The following ZNF316 variants were observed in gnomAD, a reference collection of about 807,000 sequenced individuals.
The protein encoded by ZNF316 is zinc finger protein 316.
A neutral mutation model predicts 75.6 loss-of-function variants in ZNF316; 23 were observed. The observed-to-expected ratio is 0.30, with a 90% CI of 0.22 to 0.43. ZNF316 has a LOEUF of 0.43. ZNF316 is among the 20% of genes least tolerant of loss of function. ZNF316 has a pLI of 1.00. For synonymous variants in ZNF316, 827 were observed against 666.2 expected, an observed-to-expected ratio of 1.24 and a Z score of -3.72; for missense variants, 1,266 against 1,409.4, an observed-to-expected ratio of 0.90 and a Z score of 1.63.
chr7:6,640,933 A>C lies in ZNF316; in HGVS notation c.-166-892A>C, dbSNP rs534618830. Among the ~76,000 whole-genome samples, 1 of 152,298 alleles carries C rather than the reference A, an allele frequency of 6.6e-6. No homozygotes were observed. The highest frequency in any genetic ancestry group is 6.5e-5 in the Admixed American group (1 of 15,288). On this transcript the variant is annotated intron_variant, in intron 3 of 8. Coordinates refer to ENST00000382252, the MANE Select transcript of ZNF316 (RefSeq NM_001278559.2). The surrounding 1 kb of genome is among the most constrained non-coding windows in gnomAD (Gnocchi z 5.1). ...CTCCCCAGAAACAGATGCCGGCGCC[A>C]TGTTGGTGCAGCCTGTTGAACTGTG... is the stretch of plus-strand genomic sequence containing the variant.
chr7:6,645,369 C>T (rs1285941515), intron 8 of ZNF316, among the ~76,000 whole-genome samples: 2 of 152,198 alleles, frequency 1.3e-5, no homozygotes, highest in East Asian at 1.9e-4. Flanking sequence ...AGATTTGGAG[C>T]ACCTCATAGA....
At position 6,642,307 on chromosome 7, in the gene ZNF316, G is replaced by C. The variant is rs541340917; in HGVS notation, c.-28-75G>C. On this transcript the variant is annotated intron_variant, in intron 4 of 8. Coordinates refer to ENST00000382252, the MANE Select transcript of ZNF316 (RefSeq NM_001278559.2). The surrounding 1 kb of genome is among the most constrained non-coding windows in gnomAD (Gnocchi z 8.1). ...ATCCTGCTCCCTGCGCCCCCGCCAG[G>C]CTGCGGGAGACCCTGTGAGGGGACC... 1.4e-6 allele frequency: 1 copy of C among 718,464 alleles called. No individual in the cohort carries two copies. The highest frequency in any genetic ancestry group is 7.5e-5 in the South Asian group (1 of 13,330). 44.5% of individuals were successfully genotyped at this position (718,464 alleles called of 1,614,324 possible).
In ZNF316 at chr7:6,656,240, G is replaced by A. The variant is rs1388165121; in HGVS notation, c.*1629G>A. ...GGTGCTGGGTAATGACCTCGGCCCT[G>A]GGTTTCTCCTCTCCCTGCGGGACAG... is the stretch of plus-strand genomic sequence containing the variant. On this transcript the variant is annotated 3_prime_UTR_variant, in exon 9 of 9. Transcript: ENST00000382252. 4 of 152,276 alleles carry A rather than the reference G, an allele frequency of 2.6e-5. No homozygotes were observed. The highest frequency in any genetic ancestry group is 9.7e-5 in the African/African-American group (4 of 41,404). 9.4% of individuals were successfully genotyped at this position (152,276 alleles called of 1,614,324 possible).
intron 8 of ZNF316, among the ~76,000 whole-genome samples, chr7:6,651,857 G>A (rs1020690149): frequency 6.6e-6 from 1 of 152,230 alleles, no homozygotes; most frequent in Non-Finnish European, 1.5e-5. Context: ...CAGGGAGGCG[G>A]AGTTCTCCAG....
At position 6,654,365 on chromosome 7, in the gene ZNF316, C is replaced by T. The variant is rs1317054647; in HGVS notation, c.2769C>T (p.Arg923=). The T allele has an allele frequency of 2.5e-6, 3 of 1,220,044 alleles. No homozygotes were observed. The highest frequency in any genetic ancestry group is 3.1e-6 in the Non-Finnish European group (3 of 980,360). The allele number at this position is 1,220,044 out of a possible 1,614,324, so 75.6% of individuals were successfully genotyped here. Residue 923 remains arginine (R), a synonymous_variant, in exon 9 of 9, where the codon CGC becomes CGT. Transcript: ENST00000382252. The part of the protein sequence containing the change: ...RPYACANCGR[R]FSQSSHLLTH... ...ACGCCTGCGCCAACTGCGGCCGCCG[C>T]TTCTCGCAGAGCTCGCACTTGCTCA...
In ZNF316 at chr7:6,652,758, T is replaced by C; in HGVS notation, c.1162T>C (p.Leu388=). The C allele has an allele frequency of 7.9e-7, 1 of 1,265,020 alleles. No individual in the cohort carries two copies. The allele number at this position is 1,265,020 out of a possible 1,614,324, so 78.4% of individuals were successfully genotyped here. ...CGKGFVYRSH[L]AIHQRTHTGE... ...CAAGGGCTTCGTGTACCGCTCGCAC[T>C]TGGCCATCCACCAGCGCACGCACAC... The change falls in exon 9 of 9, where the codon TTG becomes CTG. Residue 388 remains leucine, a synonymous_variant. Coordinates refer to ENST00000382252, the MANE Select transcript of ZNF316 (RefSeq NM_001278559.2).
rs1430998550 is a variant in ZNF316 at position 6,642,369 on chromosome 7, A to G, written c.-28-13A>G. The G allele has an allele frequency of 6.7e-5, 80 of 1,202,360 alleles. No homozygotes were observed. Among genetic ancestry groups the G allele is most frequent in the Non-Finnish European group, 7.5e-5 (72 of 960,948 alleles). The allele number at this position is 1,202,360 out of a possible 1,614,324, so 74.5% of individuals were successfully genotyped here. A position where few individuals can be genotyped will look rare whatever the true frequency, so the allele number is the denominator to read the frequency against. ...TGAGAGCAGCCCGTCACTGGCGTCC[A>G]TCTGCATTTCAGGCCACGTGGAGGC... is the stretch of plus-strand genomic sequence containing the variant. On this transcript the variant is annotated splice_polypyrimidine_tract_variant and intron_variant, in intron 4 of 8. Coordinates refer to ENST00000382252, the MANE Select transcript of ZNF316 (RefSeq NM_001278559.2). This position sits in a 1 kb window ranked among gnomAD's most constrained non-coding sequence, Gnocchi z 8.1.
chr7:6,654,308 G>C lies in ZNF316; in HGVS notation c.2712G>C (p.Thr904=). 8.2e-7 allele frequency: 1 copy of C among 1,223,706 alleles called. No individual in the cohort carries two copies. The highest frequency in any genetic ancestry group is 1.0e-6 in the Non-Finnish European group (1 of 982,346). The allele number at this position is 1,223,706 out of a possible 1,614,324, so 75.8% of individuals were successfully genotyped here. A position where few individuals can be genotyped will look rare whatever the true frequency, so the allele number is the denominator to read the frequency against. The change falls in exon 9 of 9, where the codon ACG becomes ACC. Residue 904 remains threonine, a synonymous_variant. Transcript: ENST00000382252. ...KRFSQRSVLV[T]HQRTHTGERP... ...TTTCGCAGCGCTCGGTGCTGGTCAC[G>C]CACCAGCGCACACATACGGGCGAGC...
At chr7:6,647,428 G>T (rs1242760614) in intron 8 of ZNF316, among the ~76,000 whole-genome samples, 1 of 152,246 alleles carries the variant, frequency 6.6e-6, no homozygotes, top group East Asian at 1.9e-4. Context: ...GGACTTGGGC[G>T]TGTCACCCTT....
chr7:6,644,416 C>G (rs1274998227), intron 7 of ZNF316, 64 bp from the exon 8 acceptor site: 6 of 894,438 alleles, frequency 6.7e-6, no homozygotes, highest in Non-Finnish European at 8.8e-6. Flanking sequence ...TGGCACAGCA[C>G]GGGCTGCAGG....
At chr7:6,645,391 ATG>A (rs1324682135) in intron 8 of ZNF316, among the ~76,000 whole-genome samples, 2 of 152,204 alleles carry the variant, frequency 1.3e-5, no homozygotes, top group African/African-American at 4.8e-5. Context: ...GTGTTTTCAA[ATG>A]AAAATACAAG....
Position 6,637,969 on chromosome 7 carries a change from G to A in ZNF316, c.-307G>A, listed in dbSNP as rs1333899143. ...CCGGGCTTTCCCTCATCTGCAGAAG[G>A]AGCCCCGGTGGGCTGCTCGGCTGTC... is the stretch of plus-strand genomic sequence containing the variant. On this transcript the variant is annotated 5_prime_UTR_variant, in exon 2 of 9. Coordinates refer to ENST00000382252, the MANE Select transcript of ZNF316 (RefSeq NM_001278559.2). The surrounding 1 kb of genome is among the most constrained non-coding windows in gnomAD (Gnocchi z 6.2). 6.6e-6 allele frequency: 1 copy of A among 152,234 alleles called. No homozygotes were observed. Among genetic ancestry groups the A allele is most frequent in the East Asian group, 1.9e-4 (1 of 5,166 alleles). The allele number at this position is 152,234 out of a possible 1,614,324, so 9.4% of individuals were successfully genotyped here.
Position 6,653,074 on chromosome 7 carries a change from C to A in ZNF316, c.1478C>A (p.Ala493Asp). 8.3e-7 allele frequency: 1 copy of A among 1,206,616 alleles called. No individual in the cohort carries two copies. The allele number at this position is 1,206,616 out of a possible 1,614,324, so 74.7% of individuals were successfully genotyped here. Residue 493 changes from alanine to aspartate, a missense_variant, in exon 9 of 9, where the codon GCC becomes GAC. Transcript: ENST00000382252. The part of the protein sequence containing the change: ...RPHCCPDCGQ[A>D]FRLRADFQRH... ...CACTGCTGTCCCGACTGCGGCCAGG[C>A]CTTCCGCCTGCGCGCCGACTTCCAG...
At chr7:6,647,574 C>T (rs1464052847) in intron 8 of ZNF316, among the ~76,000 whole-genome samples, 1 of 152,242 alleles carries the variant, frequency 6.6e-6, no homozygotes, top group African/African-American at 2.4e-5. Context: ...TCGGAACTGA[C>T]TTCCACAGCC....
At position 6,642,417 on chromosome 7, in the gene ZNF316, C is replaced by A; in HGVS notation, c.8C>A (p.Ala3Glu). 1 of 1,232,108 alleles carries A rather than the reference C, an allele frequency of 8.1e-7. No individual in the cohort carries two copies. Among genetic ancestry groups the A allele is most frequent in the Non-Finnish European group, 1.0e-6 (1 of 988,074 alleles). The allele number at this position is 1,232,108 out of a possible 1,614,324, so 76.3% of individuals were successfully genotyped here. ...GGCTCGCTCCCAGGGAGGATGGCGG[C>A]GCTCCACACGACTCCCGACTCCCCA... The part of the protein sequence containing the change: MA[A>E]LHTTPDSPAA... The change falls in exon 5 of 9, where the codon GCG (alanine) becomes GAG (glutamate). Residue 3 changes from alanine to glutamate, a missense_variant. Ala to Glu is a moderately radical substitution (Grantham distance 107). This residue lies in a region of ZNF316 where 961 missense variants were observed against 990.9 expected (regional missense o/e 0.97). Coordinates refer to ENST00000382252, the MANE Select transcript of ZNF316 (RefSeq NM_001278559.2). This position sits in a 1 kb window ranked among gnomAD's most constrained non-coding sequence, Gnocchi z 8.1.
intron 8 of ZNF316, among the ~76,000 whole-genome samples, chr7:6,650,171 G>A (rs1370475371): frequency 6.6e-6 from 1 of 152,310 alleles, no homozygotes; most frequent in East Asian, 1.9e-4. Flanking sequence ...CGAGCTCTCT[G>A]CCAGCCTCCC....
At position 6,653,654 on chromosome 7, in the gene ZNF316, G is replaced by T; in HGVS notation, c.2058G>T (p.Glu686Asp). 9.3e-7 allele frequency: 1 copy of T among 1,072,064 alleles called. No homozygotes were observed. The highest frequency in any genetic ancestry group is 5.7e-5 in the East Asian group (1 of 17,628). 66.4% of individuals were successfully genotyped at this position (1,072,064 alleles called of 1,614,324 possible). The change falls in exon 9 of 9, where the codon GAG becomes GAT. Residue 686 changes from glutamate (E) to aspartate (D), a missense_variant. Transcript: ENST00000382252. ...AGCCCGCGCCGGCCGCGCTGGCGGAGGAGGAGAGCCCGTGGATCTGCTCGG... is the reference window on the plus strand; with the variant it reads ...AGCCCGCGCCGGCCGCGCTGGCGGATGAGGAGAGCCCGTGGATCTGCTCGG... ...LAEPAPAALA[E>D]EESPWICSDC...
At position 6,652,624 on chromosome 7, in the gene ZNF316, C is replaced by T. The variant is rs1052484430; in HGVS notation, c.1028C>T (p.Pro343Leu). The T allele has an allele frequency of 7.3e-6, 9 of 1,230,310 alleles. No individual in the cohort carries two copies. The highest frequency in any genetic ancestry group is 8.5e-5 in the Admixed American group (2 of 23,642). The allele number at this position is 1,230,310 out of a possible 1,614,324, so 76.2% of individuals were successfully genotyped here. A position where few individuals can be genotyped will look rare whatever the true frequency, so the allele number is the denominator to read the frequency against. ...GCAGTGGCCCCGCCGGCCGGGAGGCCGGAGACCACGTGCGACGTGTGCGGC... is the reference window on the plus strand; with the variant it reads ...GCAGTGGCCCCGCCGGCCGGGAGGCTGGAGACCACGTGCGACGTGTGCGGC... Reference protein sequence around the residue: ...PAAVAPPAGRPETTCDVCGKV... With the variant: ...PAAVAPPAGRLETTCDVCGKV... Residue 343 changes from proline (P) to leucine (L), a missense_variant, in exon 9 of 9, where the codon CCG becomes CTG. Physicochemically the swap from Pro to Leu is moderately conservative, Grantham distance 98. Around this residue, in one of 3 missense-constraint regions of ZNF316, gnomAD observed 961 missense variants for 990.9 expected, o/e 0.97. Coordinates refer to ENST00000382252, the MANE Select transcript of ZNF316 (RefSeq NM_001278559.2).
At chr7:6,647,997 G>A (rs1342989057) in intron 8 of ZNF316, among the ~76,000 whole-genome samples, 1 of 152,216 alleles carries the variant, frequency 6.6e-6, no homozygotes, top group East Asian at 1.9e-4. Flanking sequence ...TGGGGACATT[G>A]GTTGGCCCCT....
Sources: allele counts gnomAD v4.1 joint callset (sites outside exome capture counted in the v4.1 genomes callset), GRCh38; gene constraint gnomAD v4.1.1; regional missense constraint gnomAD v4.1.1; non-coding constraint Gnocchi (gnomAD v3.1); transcripts MANE v1.5; gene names NCBI Gene and HGNC (gene_info 2026-07-23, HGNC 2026-07-21).